Variants in GRIK4 observed in about 807,000 individuals in gnomAD.
GRIK4 encodes glutamate receptor ionotropic, kainate 4.
GRIK4 carries 40 observed loss-of-function variants against 104.9 expected under a neutral mutation model. That is an observed-to-expected ratio of 0.38 (90% confidence interval 0.30 to 0.50). The LOEUF is 0.50. Among genes scored for constraint, GRIK4 ranks in the 20% least tolerant of loss-of-function variants. The pLI is 0.93. For missense variants in GRIK4, 1,047 were observed against 1,308.1 expected (o/e 0.80, Z 3.08); for synonymous variants, 485 against 524.9 (o/e 0.92, Z 1.04).
At chr11:120,640,492 C>A (rs1357818413) in intron 1 of GRIK4, among the ~76,000 whole-genome samples, 1 of 152,038 alleles carries the variant, frequency 6.6e-6, no homozygotes, top group Non-Finnish European at 1.5e-5. Context: ...TTAATTAATG[C>A]CCATTTGAAT....
chr11:120,637,134 G>A (rs1290618949), intron 1 of GRIK4, among the ~76,000 whole-genome samples: 10 of 151,930 alleles, frequency 6.6e-5, no homozygotes, highest in Admixed American at 6.6e-5. Flanking sequence ...GAGGGAAGGA[G>A]GTGAGAGGGA....
intron 1 of GRIK4, among the ~76,000 whole-genome samples, chr11:120,541,210 G>C (rs1948031330): frequency 6.6e-6 from 1 of 152,200 alleles, no homozygotes; most frequent in Admixed American, 6.5e-5. Flanking sequence ...CTAAGACCCA[G>C]CTCAAGTCTT....
intron 1 of GRIK4, among the ~76,000 whole-genome samples, chr11:120,560,045 G>C (rs1025360181): frequency 2.0e-5 from 3 of 151,802 alleles, no homozygotes; most frequent in Non-Finnish European, 4.4e-5. Context: ...TATATGCCCA[G>C]TTTTCCAAGC....
intron 11 of GRIK4, among the ~76,000 whole-genome samples, chr11:120,888,903 G>T (rs1467722295): frequency 6.6e-6 from 1 of 152,120 alleles, no homozygotes; most frequent in Non-Finnish European, 1.5e-5. Flanking sequence ...TACTGCCTTG[G>T]ACCAACTGAG....
chr11:120,615,659 G>T (rs1343755205), intron 1 of GRIK4, among the ~76,000 whole-genome samples: 1 of 152,166 alleles, frequency 6.6e-6, no homozygotes, highest in African/African-American at 2.4e-5. Context: ...TACCTACTGG[G>T]CTTGGCTGGC....
At chr11:120,587,087 T>C (rs1948674997) in intron 1 of GRIK4, among the ~76,000 whole-genome samples, 1 of 152,240 alleles carries the variant, frequency 6.6e-6, no homozygotes, top group South Asian at 2.1e-4. Flanking sequence ...ACTGAAAATA[T>C]AGAGGTGTCT....
intron 1 of GRIK4, among the ~76,000 whole-genome samples, chr11:120,512,153 C>T (rs1020294223): frequency 6.6e-6 from 1 of 151,626 alleles, no homozygotes; most frequent in African/African-American, 2.4e-5. Context: ...GCTCTGCTCC[C>T]GTAGTTCCTC....
intron 13 of GRIK4, among the ~76,000 whole-genome samples, chr11:120,920,496 A>G (rs1170142160): frequency 6.6e-6 from 1 of 152,098 alleles, no homozygotes; most frequent in Non-Finnish European, 1.5e-5. Flanking sequence ...TGCCATGCAG[A>G]CCACAGCAGC....
At chr11:120,639,857 A>C (rs1423916427) in intron 1 of GRIK4, among the ~76,000 whole-genome samples, 1 of 152,150 alleles carries the variant, frequency 6.6e-6, no homozygotes, top group African/African-American at 2.4e-5. Context: ...TAAAAATCTC[A>C]GTGGCTCTTT....
intron 9 of GRIK4, chr11:120,869,677 G>A (rs1340827870): frequency 6.6e-6 from 1 of 152,324 alleles, no homozygotes; most frequent in Non-Finnish European, 1.5e-5. Flanking sequence ...AAATGGCGTG[G>A]TGCTTCCTCT....
At chr11:120,520,104 G>C (rs1011513578) in intron 1 of GRIK4, among the ~76,000 whole-genome samples, 1 of 151,976 alleles carries the variant, frequency 6.6e-6, no homozygotes, top group African/African-American at 2.4e-5. Flanking sequence ...TGTTGGCCAG[G>C]CTGGTCTCAA....
chr11:120,714,325 G>A (rs981120839), intron 3 of GRIK4, among the ~76,000 whole-genome samples: 15 of 152,212 alleles, frequency 9.9e-5, no homozygotes, highest in African/African-American at 2.7e-4. Flanking sequence ...GAGTAAAGAT[G>A]AGGGGCTTTC....
chr11:120,610,985 G>C lies in GRIK4; in HGVS notation c.-158-42700G>C, dbSNP rs73590060. Among the ~76,000 whole-genome samples, 738 of 152,284 alleles carry C rather than the reference G, an allele frequency of 4.8e-3. 4 individuals are homozygous for C. The highest frequency in any genetic ancestry group is 0.017 in the African/African-American group (703 of 41,548). ...AGCGCAGGAAGAGCCTTGAAAGAACGTCCGGCCCATGTCCTGTCGTTTTCA... is the reference window on the plus strand; with the variant it reads ...AGCGCAGGAAGAGCCTTGAAAGAACCTCCGGCCCATGTCCTGTCGTTTTCA... On this transcript the variant is annotated intron_variant, in intron 1 of 20. Coordinates refer to ENST00000527524, the MANE Select transcript of GRIK4 (RefSeq NM_014619.5).
chr11:120,672,007 A>G (rs548508264), intron 3 of GRIK4, among the ~76,000 whole-genome samples: 2 of 152,210 alleles, frequency 1.3e-5, no homozygotes, highest in South Asian at 4.1e-4. Context: ...CACCAGTACC[A>G]TGCTGTTTTG....
At chr11:120,745,821 T>C (rs1951428922) in intron 3 of GRIK4, among the ~76,000 whole-genome samples, 1 of 152,160 alleles carries the variant, frequency 6.6e-6, no homozygotes, top group Non-Finnish European at 1.5e-5. Flanking sequence ...TGTAGAACAT[T>C]TAGCCTCACT....
chr11:120,522,181 GC>G (rs1400258636), intron 1 of GRIK4, among the ~76,000 whole-genome samples: 1 of 152,242 alleles, frequency 6.6e-6, no homozygotes, highest in Non-Finnish European at 1.5e-5. Flanking sequence ...GAGTTGGGCA[GC>G]TGTGAAACGA....
At chr11:120,904,874 C>A (rs1161503793) in intron 12 of GRIK4, among the ~76,000 whole-genome samples, 1 of 152,224 alleles carries the variant, frequency 6.6e-6, no homozygotes, top group Non-Finnish European at 1.5e-5. Context: ...CCTCCTTGGA[C>A]TGCAGTTGCA....
At chr11:120,893,429 T>A (rs1439917041) in intron 11 of GRIK4, among the ~76,000 whole-genome samples, 2 of 152,258 alleles carry the variant, frequency 1.3e-5, no homozygotes, top group East Asian at 3.8e-4. Flanking sequence ...ATACATTTGT[T>A]TTAAATATTG....
At chr11:120,723,396 G>A (rs1950967299) in intron 3 of GRIK4, among the ~76,000 whole-genome samples, 2 of 152,152 alleles carry the variant, frequency 1.3e-5, no homozygotes, top group Admixed American at 6.5e-5. Flanking sequence ...TGCCCTGAGA[G>A]GTATTCTAGT....
Sources: allele counts gnomAD v4.1 joint callset (sites outside exome capture counted in the v4.1 genomes callset), GRCh38; gene constraint gnomAD v4.1.1; transcripts MANE v1.5; gene names NCBI Gene and HGNC (gene_info 2026-07-23, HGNC 2026-07-21).